PTPRD: variants seen among roughly 807,000 people sequenced by gnomAD.
The protein encoded by PTPRD is receptor-type tyrosine-protein phosphatase delta.
PTPRD carries 34 observed loss-of-function variants against 214.5 expected under a neutral mutation model. That is an observed-to-expected ratio of 0.16 (90% CI 0.12 to 0.21). The LOEUF (loss-of-function observed/expected upper bound fraction) is 0.21. PTPRD is among the 10% of genes least tolerant of loss of function. The pLI is 1.00. For synonymous variants in PTPRD, 1,128 were observed against 845.7 expected (o/e 1.33, Z -5.79); for missense variants, 2,545 against 2,398.7 (o/e 1.06, Z -1.27).
intron 14 of PTPRD, among the ~76,000 whole-genome samples, chr9:8,533,195 G>T (rs1449359882): frequency 1.3e-5 from 2 of 152,022 alleles, no homozygotes; most frequent in South Asian, 4.1e-4. Context: ...AGGAAGCCAG[G>T]AAAATCTGAA....
intron 14 of PTPRD, among the ~76,000 whole-genome samples, chr9:8,597,851 A>G (rs2094557070): frequency 3.3e-5 from 5 of 152,144 alleles, no homozygotes; most frequent in Admixed American, 3.3e-4. Context: ...GACAAGTATA[A>G]TCCACTATCC....
intron 3 of PTPRD, among the ~76,000 whole-genome samples, chr9:10,040,431 T>C (rs1165776884): frequency 6.6e-6 from 1 of 152,008 alleles, no homozygotes; most frequent in East Asian, 1.9e-4. Flanking sequence ...ATTCCAATTA[T>C]ACAGGCAGCC....
chr9:9,225,803 G>A (rs1453553014), intron 9 of PTPRD, among the ~76,000 whole-genome samples: 1 of 152,002 alleles, frequency 6.6e-6, no homozygotes, highest in Non-Finnish European at 1.5e-5. Flanking sequence ...GAGGAGAAGG[G>A]GAAAGAACTA....
chr9:10,223,685 TA>T (rs2099579171), intron 3 of PTPRD, among the ~76,000 whole-genome samples: 1 of 138,082 alleles, frequency 7.2e-6, no homozygotes, highest in Non-Finnish European at 1.6e-5. Flanking sequence ...ATAATAATAA[TA>T]ATAATAATAA....
At chr9:9,045,421 G>A (rs948817631) in intron 10 of PTPRD, among the ~76,000 whole-genome samples, 1 of 148,474 alleles carries the variant, frequency 6.7e-6, no homozygotes, top group African/African-American at 2.6e-5. Flanking sequence ...TAAGGTGGGT[G>A]AAGGGTCGGG....
chr9:8,519,337 A>G (rs1468512486), intron 20 of PTPRD, among the ~76,000 whole-genome samples: 1 of 152,194 alleles, frequency 6.6e-6, no homozygotes, highest in Non-Finnish European at 1.5e-5. Flanking sequence ...AATACAAATC[A>G]AAATACTACT....
intron 3 of PTPRD, among the ~76,000 whole-genome samples, chr9:10,176,267 G>A (rs781308735): frequency 3.3e-5 from 5 of 151,208 alleles, no homozygotes; most frequent in Non-Finnish European, 7.4e-5. Context: ...TCAACTCAAG[G>A]TTTTTAATGT....
chr9:8,974,779 A>T (rs768001222), intron 11 of PTPRD, among the ~76,000 whole-genome samples: 2 of 152,020 alleles, frequency 1.3e-5, no homozygotes, highest in Admixed American at 6.6e-5. Context: ...CCACTAATAT[A>T]CATTAACATA....
intron 11 of PTPRD, among the ~76,000 whole-genome samples, chr9:8,824,422 G>A (rs182964942): frequency 5.9e-5 from 9 of 152,288 alleles, no homozygotes; most frequent in Admixed American, 3.9e-4. Context: ...ATTCACGGTA[G>A]AGAAGAGCTT....
chr9:9,039,767 G>C (rs575943330), intron 10 of PTPRD, among the ~76,000 whole-genome samples: 2 of 152,322 alleles, frequency 1.3e-5, no homozygotes, highest in South Asian at 4.1e-4. Context: ...TACTGGGAAA[G>C]TAAGAGCTTG....
At chr9:8,959,356 G>C (rs573750503) in intron 11 of PTPRD, among the ~76,000 whole-genome samples, 20 of 152,072 alleles carry the variant, frequency 1.3e-4, no homozygotes, top group Admixed American at 3.3e-4. Context: ...TTCAAGATTT[G>C]ATATATGAGT....
In PTPRD at chr9:9,091,141, A is replaced by C. The variant is rs774841695; in HGVS notation, c.-142-72406T>G. ...CTGTGTGAGTTGTGCAATTCACAGC[A>C]AAGTAGTCAGGAATCGATCTCGTGA... On this transcript the variant is annotated intron_variant, in intron 10 of 45. Transcript: ENST00000381196. The C allele has an allele frequency of 1.4e-4, 213 of 1,515,754 alleles. 1 individual carries two copies. The highest frequency in any genetic ancestry group is 2.3e-4 in the Middle Eastern group (1 of 4,364). The allele number at this position is 1,515,754 out of a possible 1,614,324, so 93.9% of individuals were successfully genotyped here.
At chr9:9,632,965 C>G (rs548805856) in intron 7 of PTPRD, among the ~76,000 whole-genome samples, 2 of 151,840 alleles carry the variant, frequency 1.3e-5, no homozygotes, top group Non-Finnish European at 2.9e-5. Flanking sequence ...AACATTATAG[C>G]CAAATGGGAA....
chr9:8,888,813 G>T (rs1197732541), intron 11 of PTPRD, among the ~76,000 whole-genome samples: 1 of 152,164 alleles, frequency 6.6e-6, no homozygotes, highest in East Asian at 1.9e-4. Flanking sequence ...GGAGTGGAGA[G>T]AACACAGACT....
chr9:9,149,545 C>A (rs538353104), intron 10 of PTPRD, among the ~76,000 whole-genome samples: 1 of 152,138 alleles, frequency 6.6e-6, no homozygotes, highest in African/African-American at 2.4e-5. Context: ...ACAAAGTTCA[C>A]GGGTTCCCTG....
chr9:10,332,501 A>C (rs1024782150), intron 3 of PTPRD, among the ~76,000 whole-genome samples: 5 of 151,828 alleles, frequency 3.3e-5, no homozygotes, highest in Admixed American at 1.3e-4. Flanking sequence ...TTGACTTTCG[A>C]ACCCATATGT....
chr9:10,178,560 C>T (rs10117980), intron 3 of PTPRD, among the ~76,000 whole-genome samples: 43,203 of 151,736 alleles, frequency 0.28, 6,255 homozygotes, highest in South Asian at 0.36. Context: ...AACAGATGAA[C>T]AGTATAGCAA....
intron 6 of PTPRD, among the ~76,000 whole-genome samples, chr9:9,749,618 T>C (rs2098495972): frequency 6.6e-6 from 1 of 152,180 alleles, no homozygotes; most frequent in South Asian, 2.1e-4. Flanking sequence ...CCACAGAATG[T>C]ACACACCACA....
At chr9:10,609,333 C>A (rs1196189925) in intron 2 of PTPRD, among the ~76,000 whole-genome samples, 1 of 151,970 alleles carries the variant, frequency 6.6e-6, no homozygotes, top group Non-Finnish European at 1.5e-5. Context: ...AAACATGTAA[C>A]ATGCATTTCA....
Sources: gnomAD v4.1 joint callset for allele counts (sites outside exome capture counted in the v4.1 genomes callset) on GRCh38, gnomAD v4.1.1 for gene constraint, MANE v1.5 for transcripts, NCBI Gene and HGNC (gene_info 2026-07-23, HGNC 2026-07-21) for gene names.